The following LRBA variants were observed in gnomAD, a reference collection of about 807,000 sequenced individuals.
The protein encoded by LRBA is lipopolysaccharide-responsive and beige-like anchor protein.
In LRBA, 176 loss-of-function variants were observed where a neutral mutation model predicts 330.0. The observed-to-expected ratio is 0.53, with a 90% confidence interval of 0.47 to 0.60. The LOEUF is 0.60. Among genes scored for constraint, LRBA ranks in the 20% least tolerant of loss-of-function variants. The pLI, the probability that LRBA is intolerant of heterozygous loss-of-function variation, is 0.00. For missense variants in LRBA, 3,259 were observed against 3,444.8 expected, an observed-to-expected ratio of 0.95 and a Z score of 1.35; for synonymous variants, 1,230 against 1,193.0, an observed-to-expected ratio of 1.03 and a Z score of -0.64.
At chr4:150,925,033 G>A (rs1290827517) in intron 4 of LRBA, among the ~76,000 whole-genome samples, 2 of 151,976 alleles carry the variant, frequency 1.3e-5, no homozygotes, top group Non-Finnish European at 2.9e-5. Flanking sequence ...AGCCTGGCAT[G>A]GTGGCACATG....
chr4:150,560,181 G>A (rs1470713034), intron 40 of LRBA, among the ~76,000 whole-genome samples: 1 of 151,006 alleles, frequency 6.6e-6, no homozygotes, highest in African/African-American at 2.4e-5. Flanking sequence ...AAAGTGGTGT[G>A]TGTATTATAT....
intron 46 of LRBA, among the ~76,000 whole-genome samples, chr4:150,429,065 G>C (rs1750026007): frequency 6.6e-6 from 1 of 152,034 alleles, no homozygotes; most frequent in Non-Finnish European, 1.5e-5. Flanking sequence ...TGGAGCTAAT[G>C]GTCAAGTGGG....
At chr4:150,866,791 G>C (rs1336982255) in intron 22 of LRBA, among the ~76,000 whole-genome samples, 1 of 152,044 alleles carries the variant, frequency 6.6e-6, no homozygotes, top group African/African-American at 2.4e-5. Context: ...GGTCAATGTG[G>C]ATGAATCTCA....
At chr4:151,007,576 G>C (rs1208266884) in intron 2 of LRBA, among the ~76,000 whole-genome samples, 1 of 150,428 alleles carries the variant, frequency 6.6e-6, no homozygotes, top group Admixed American at 6.6e-5. Context: ...AATGAATGTA[G>C]GCCGGGCGCG....
intron 37 of LRBA, among the ~76,000 whole-genome samples, chr4:150,623,848 TTTTTA>T (rs1478462801): frequency 1.3e-5 from 2 of 152,266 alleles, no homozygotes; most frequent in East Asian, 1.9e-4. Flanking sequence ...AGCACTCTAT[TTTTTA>T]TTTTATGTTA....
chr4:150,812,985 C>CT (rs1303447566), intron 31 of LRBA, among the ~76,000 whole-genome samples: 1 of 151,904 alleles, frequency 6.6e-6, no homozygotes, highest in African/African-American at 2.4e-5. Context: ...GAACAAGACT[C>CT]TGTCTCTACA....
intron 44 of LRBA, among the ~76,000 whole-genome samples, chr4:150,450,494 T>C (rs1174006277): frequency 2.0e-5 from 3 of 152,194 alleles, no homozygotes; most frequent in East Asian, 3.9e-4. Flanking sequence ...TCCATCGTCA[T>C]ATAGTGTTCT....
chr4:150,368,406 T>A (rs1739799830), intron 47 of LRBA, among the ~76,000 whole-genome samples: 1 of 152,202 alleles, frequency 6.6e-6, no homozygotes, highest in Non-Finnish European at 1.5e-5. Context: ...CCATATGGCA[T>A]CACATTATCA....
chr4:150,798,287 T>C (rs1010358666), intron 33 of LRBA, 145 bp from the exon 34 acceptor site: 22 of 561,288 alleles, frequency 3.9e-5, no homozygotes, highest in Non-Finnish European at 6.8e-5. Context: ...AGGTACACTA[T>C]AGTTAGTTCA....
chr4:150,344,213 G>T (rs1735970380), intron 48 of LRBA, among the ~76,000 whole-genome samples: 1 of 151,966 alleles, frequency 6.6e-6, no homozygotes, highest in Non-Finnish European at 1.5e-5. Flanking sequence ...TCTTTTTGTG[G>T]TGACAAAAAT....
At chr4:150,899,217 G>T (rs1442631690) in intron 14 of LRBA, among the ~76,000 whole-genome samples, 1 of 152,152 alleles carries the variant, frequency 6.6e-6, no homozygotes, top group Non-Finnish European at 1.5e-5. Flanking sequence ...GACTAAAAGA[G>T]ACTTTCACTG....
At chr4:150,871,885 A>G (rs1323173101) in intron 18 of LRBA, among the ~76,000 whole-genome samples, 1 of 152,234 alleles carries the variant, frequency 6.6e-6, no homozygotes, top group Non-Finnish European at 1.5e-5. Context: ...TAAAATAAAT[A>G]CTATGAAAAC....
intron 2 of LRBA, among the ~76,000 whole-genome samples, chr4:150,947,916 G>T (rs556053747): frequency 1.2e-4 from 18 of 152,084 alleles, no homozygotes; most frequent in African/African-American, 4.1e-4. Flanking sequence ...TCAAAAATAT[G>T]AAGTTCTTAG....
rs1258011984 is a variant in LRBA at position 150,921,214 on chromosome 4, G to A, written c.629C>T (p.Pro210Leu). Residue 210 changes from proline (P) to leucine (L), a missense_variant, in exon 5 of 57, where the codon CCA becomes CTA. Coordinates refer to ENST00000651943, the MANE Select transcript of LRBA (RefSeq NM_001364905.1). ...TTTACTTACTGCAGCACTCTTTCCT[G>A]GAAAGTTAAAAAAGGCATCAGGACC... The part of the protein sequence containing the change: ...KYGPDAFFNF[P>L]GKSAAAIALP... The A allele has an allele frequency of 1.9e-6, 3 of 1,609,636 alleles. No homozygotes were observed. In the South Asian group the frequency reaches 3.3e-5, roughly 18 times the overall value.
intron 17 of LRBA, among the ~76,000 whole-genome samples, chr4:150,890,539 C>T (rs568696870): frequency 1.6e-4 from 24 of 151,176 alleles, no homozygotes; most frequent in African/African-American, 5.1e-4. Flanking sequence ...TTGGAAAGGG[C>T]GATATTAGAA....
At position 150,565,336 on chromosome 4, in the gene LRBA, C is replaced by T. The variant is rs191959232; in HGVS notation, c.6330+22712G>A. 1.3e-4 allele frequency among the ~76,000 whole-genome samples: 20 copies of T among 152,090 alleles called. No individual in the cohort carries two copies. The East Asian group carries it at 3.9e-3, about 29-fold the overall frequency. On this transcript the variant is annotated intron_variant, in intron 40 of 56. Coordinates refer to ENST00000651943, the MANE Select transcript of LRBA (RefSeq NM_001364905.1). ...GGGAAGGGAACAACACACACCGGGG[C>T]CTGTTGGGCCATGGGGGGAAGGGGA... is the stretch of plus-strand genomic sequence containing the variant.
chr4:150,277,594 C>A (rs1746950411), intron 56 of LRBA, among the ~76,000 whole-genome samples: 1 of 151,952 alleles, frequency 6.6e-6, no homozygotes. Flanking sequence ...GTACAGGTGA[C>A]CCCCACAACT....
At chr4:150,268,709 A>G (rs1745679235) in intron 56 of LRBA, among the ~76,000 whole-genome samples, 1 of 152,236 alleles carries the variant, frequency 6.6e-6, no homozygotes. Context: ...AAAATTCATC[A>G]TCCTTTTATT....
chr4:150,539,977 A>G (rs1455980925), intron 40 of LRBA, among the ~76,000 whole-genome samples: 1 of 152,224 alleles, frequency 6.6e-6, no homozygotes, highest in Non-Finnish European at 1.5e-5. Context: ...TTTAATGTTT[A>G]GTATTTTATT....
Sources: allele counts gnomAD v4.1 joint callset (sites outside exome capture counted in the v4.1 genomes callset), GRCh38; gene constraint gnomAD v4.1.1; transcripts MANE v1.5; gene names NCBI Gene and HGNC (gene_info 2026-07-23, HGNC 2026-07-21).